RIMS2: variants seen among roughly 807,000 people sequenced by gnomAD.
The protein encoded by RIMS2 is regulating synaptic membrane exocytosis 2, also known as regulating synaptic membrane exocytosis protein 2.
RIMS2 carries 59 observed loss-of-function variants against 174.4 expected under a neutral mutation model. The observed-to-expected ratio is 0.34, with a 90% CI of 0.27 to 0.42. The LOEUF (loss-of-function observed/expected upper bound fraction) is 0.42, where lower values mean the gene tolerates loss of function less well. Among genes scored for constraint, RIMS2 ranks in the 10% least tolerant of loss-of-function variants. The probability of loss-of-function intolerance (pLI) is 1.00; values close to 1 mark genes in which losing one functional copy is unlikely to be tolerated. For missense variants in RIMS2, 1,620 were observed against 1,666.3 expected (o/e 0.97, Z 0.48); for synonymous variants, 606 against 572.5 (o/e 1.06, Z -0.84).
At chr8:104,208,843 A>AC (rs1169192058) in intron 19 of RIMS2, among the ~76,000 whole-genome samples, 1 of 152,220 alleles carries the variant, frequency 6.6e-6, no homozygotes, top group Non-Finnish European at 1.5e-5. Context: ...AGCCTGATAG[A>AC]CACTTTTAAA....
chr8:103,816,742 G>A (rs2098720872), intron 3 of RIMS2, among the ~76,000 whole-genome samples: 1 of 152,132 alleles, frequency 6.6e-6, no homozygotes, highest in Admixed American at 6.6e-5. Context: ...GTAGTATAGT[G>A]AGAGCTGGAA....
intron 1 of RIMS2, among the ~76,000 whole-genome samples, chr8:103,504,846 C>CTTTTTT (rs11367763): frequency 2.1e-4 from 20 of 95,030 alleles, no homozygotes; most frequent in South Asian, 7.1e-4. Flanking sequence ...TTCTTTCTTT[C>CTTTTTT]TTTTTTTTTT....
At chr8:104,015,317 C>A in intron 19 of RIMS2, 1 of 556,028 alleles carries the variant, frequency 1.8e-6, no homozygotes, top group South Asian at 2.5e-5. Context: ...GTAGATAATA[C>A]ATTCTGTGCT....
At chr8:103,724,059 G>A (rs780024285) in intron 2 of RIMS2, among the ~76,000 whole-genome samples, 23 of 75,718 alleles carry the variant, frequency 3.0e-4, no homozygotes, top group Non-Finnish European at 4.7e-4. Context: ...TCCCCGCCCC[G>A]CCCCCCCACA....
At chr8:104,245,185 G>A in intron 20 of RIMS2, 128 bp downstream of exon 26, 1 of 911,368 alleles carries the variant, frequency 1.1e-6, no homozygotes, top group Non-Finnish European at 1.6e-6. Flanking sequence ...CTGATTTCCT[G>A]TGAAGAGAAC....
Position 103,665,167 on chromosome 8 carries a change from C to A in RIMS2, c.177-31919C>A, listed in dbSNP as rs188117695. 9.2e-4 allele frequency among the ~76,000 whole-genome samples: 140 copies of A among 152,238 alleles called. 1 individual carries two copies. Among genetic ancestry groups the A allele is most frequent in the African/African-American group, 3.1e-3 (127 of 41,558 alleles). On this transcript the variant is annotated intron_variant, in intron 1 of 23. Coordinates refer to ENST00000504942, the Ensembl canonical transcript of RIMS2. ...GGGAGGGATAGAATTAGGAGAAATACCTAAAGTAAATGACAAGTTGATGGG... is the reference window on the plus strand; with the variant it reads ...GGGAGGGATAGAATTAGGAGAAATAACTAAAGTAAATGACAAGTTGATGGG...
At chr8:103,993,777 A>G (rs375677236) in intron 17 of RIMS2, among the ~76,000 whole-genome samples, 9 of 152,306 alleles carry the variant, frequency 5.9e-5, no homozygotes, top group African/African-American at 2.2e-4. Context: ...CTGTAATGCC[A>G]GAACTTTGGG....
chr8:103,783,419 C>G (rs1213952517), intron 3 of RIMS2, among the ~76,000 whole-genome samples: 3 of 150,866 alleles, frequency 2.0e-5, no homozygotes, highest in Admixed American at 6.6e-5. Flanking sequence ...ATCCCTCCCC[C>G]CTCACCCCAC....
intron 1 of RIMS2, among the ~76,000 whole-genome samples, chr8:103,506,903 T>C (rs1331156846): frequency 6.6e-6 from 1 of 152,176 alleles, no homozygotes; most frequent in Non-Finnish European, 1.5e-5. Context: ...CATCAAGTTA[T>C]TGGTAATCGG....
At chr8:104,076,369 C>T (rs556407134) in intron 19 of RIMS2, among the ~76,000 whole-genome samples, 55 of 152,118 alleles carry the variant, frequency 3.6e-4, no homozygotes, top group African/African-American at 1.3e-3. Flanking sequence ...TGATATCAAA[C>T]ATCCATCAAA....
At chr8:104,086,266 G>GTTTT (rs377670155) in intron 19 of RIMS2, among the ~76,000 whole-genome samples, 4 of 112,916 alleles carry the variant, frequency 3.5e-5, no homozygotes, top group African/African-American at 6.9e-5. Flanking sequence ...GTTCTGGTGG[G>GTTTT]TTTTTTTTTT....
chr8:103,514,934 C>CA (rs1011395816), intron 1 of RIMS2, among the ~76,000 whole-genome samples: 141 of 149,506 alleles, frequency 9.4e-4, no homozygotes, highest in Admixed American at 2.4e-3. Flanking sequence ...AACAAAAAAA[C>CA]AAAAAAAAAC....
At chr8:104,006,630 CT>C (rs2095588998) in intron 17 of RIMS2, among the ~76,000 whole-genome samples, 1 of 40,670 alleles carries the variant, frequency 2.5e-5, no homozygotes, top group African/African-American at 9.6e-5. Flanking sequence ...ATCTATTTCT[CT>C]CTCTCTCTCT....
At chr8:103,689,800 A>G (rs759218566) in intron 1 of RIMS2, among the ~76,000 whole-genome samples, 10 of 152,196 alleles carry the variant, frequency 6.6e-5, no homozygotes, top group Non-Finnish European at 1.3e-4. Context: ...TGTATAAACT[A>G]CTGATATCTT....
chr8:103,619,228 T>G (rs2095576845), intron 1 of RIMS2, among the ~76,000 whole-genome samples: 1 of 151,714 alleles, frequency 6.6e-6, no homozygotes, highest in Admixed American at 6.6e-5. Context: ...GAAAAGTATC[T>G]TAGTAAAATT....
intron 1 of RIMS2, among the ~76,000 whole-genome samples, chr8:103,660,493 C>T (rs2096585559): frequency 6.6e-6 from 1 of 152,172 alleles, no homozygotes; most frequent in South Asian, 2.1e-4. Flanking sequence ...CCTCAGCCAG[C>T]CCGGAATCTG....
intron 19 of RIMS2, among the ~76,000 whole-genome samples, chr8:104,171,610 T>A (rs1348788468): frequency 6.6e-6 from 1 of 152,136 alleles, no homozygotes; most frequent in African/African-American, 2.4e-5. Flanking sequence ...AGTAGCTTAA[T>A]CATCAACCTT....
At chr8:104,017,616 ATAAAG>A (rs5893672) in intron 19 of RIMS2, among the ~76,000 whole-genome samples, 38,381 of 151,802 alleles carry the variant, frequency 0.25, 5,111 homozygotes, top group Middle Eastern at 0.28. Flanking sequence ...AAGTTTATAT[ATAAAG>A]TATTTTGCCT....
intron 19 of RIMS2, among the ~76,000 whole-genome samples, chr8:104,140,321 CT>C (rs1400204074): frequency 2.0e-5 from 3 of 152,078 alleles, no homozygotes; most frequent in African/African-American, 7.2e-5. Context: ...ATCTCTGATT[CT>C]CAATATTATC....
Sources: gnomAD v4.1 joint callset for allele counts (sites outside exome capture counted in the v4.1 genomes callset) on GRCh38, gnomAD v4.1.1 for gene constraint, MANE v1.5 for transcripts, NCBI Gene and HGNC (gene_info 2026-07-23, HGNC 2026-07-21) for gene names.